The following MKI67 variants were observed in gnomAD, a reference collection of about 807,000 sequenced individuals.
MKI67 encodes proliferation marker protein Ki-67.
MKI67 carries 152 observed loss-of-function variants against 233.5 expected under a neutral mutation model. That is an observed-to-expected ratio of 0.65 (90% CI 0.57 to 0.74). The LOEUF is 0.74. Ranked by LOEUF, MKI67 falls within the 30% of genes least tolerant of loss-of-function variation. MKI67 has a pLI of 0.00. For synonymous variants in MKI67, 1,465 were observed against 1,418.5 expected, an observed-to-expected ratio of 1.03 and a Z score of -0.74; for missense variants, 3,940 against 3,885.2, an observed-to-expected ratio of 1.01 and a Z score of -0.37.
Position 128,105,744 on chromosome 10 carries a change from T to G in MKI67, c.6096A>C (p.Thr2032=). The change falls in exon 13 of 15, where the codon ACA becomes ACC. Residue 2032 remains threonine (T), a synonymous_variant. Transcript: ENST00000368654. ...CTTTGATGCTCTTTCCATCTCCTGCTGTCTCTCTGTGTGTCTGTGTGGTCT... is the reference window on the plus strand; with the variant it reads ...CTTTGATGCTCTTTCCATCTCCTGCGGTCTCTCTGTGTGTCTGTGTGGTCT... ...SGKTTQTHRE[T]AGDGKSIKAF... The G allele has an allele frequency of 3.1e-6, 5 of 1,614,180 alleles. No homozygotes were observed. The highest frequency in any genetic ancestry group is 3.4e-6 in the Non-Finnish European group (4 of 1,180,034).
chr10:128,101,455 C>A lies in MKI67; in HGVS notation c.9508G>T (p.Ala3170Ser), dbSNP rs764967093. The A allele has an allele frequency of 1.3e-5, 21 of 1,614,108 alleles. No individual in the cohort carries two copies. Among genetic ancestry groups the A allele is most frequent in the African/African-American group, 2.7e-5 (2 of 74,934 alleles). The change falls in exon 14 of 15, where the codon GCA (alanine) becomes TCA (serine). Residue 3170 changes from alanine to serine, a missense_variant. By Grantham distance (99) the Ala-to-Ser change is moderately conservative (BLOSUM62 1). Coordinates refer to ENST00000368654, the MANE Select transcript of MKI67 (RefSeq NM_002417.5). ...RQNESSQPKV[A>S]EESGGQKSAK... Reference sequence around the variant, plus strand: ...CTCTTCTGCCCTCCGCTCTCCTCTGCCACCTTAGGCTGGGAGCTCTCATTC... The same window carrying A: ...CTCTTCTGCCCTCCGCTCTCCTCTGACACCTTAGGCTGGGAGCTCTCATTC...
In MKI67 at chr10:128,099,114, T is replaced by C. The variant is rs531804109; in HGVS notation, c.*76A>G. The C allele has an allele frequency of 2.0e-5, 23 of 1,178,024 alleles. No individual in the cohort carries two copies. In the South Asian group the frequency reaches 3.0e-4, roughly 15 times the overall value. The allele number at this position is 1,178,024 out of a possible 1,614,324, so 73.0% of individuals were successfully genotyped here. On this transcript the variant is annotated 3_prime_UTR_variant, in exon 15 of 15. Coordinates refer to ENST00000368654, the MANE Select transcript of MKI67 (RefSeq NM_002417.5). ...CAGCCTTACTTACAGAATTCACTTG[T>C]AATTTATGACAAAAACTGCACTAGA... is the stretch of plus-strand genomic sequence containing the variant.
chr10:128,112,520 T>C, intron 8 of MKI67, 75 bp from the exon 9 acceptor site: 1 of 1,387,504 alleles, frequency 7.2e-7, no homozygotes, highest in Non-Finnish European at 9.9e-7. Flanking sequence ...AAAAACCTAT[T>C]CAGTTAAGAA....
At position 128,101,206 on chromosome 10, in the gene MKI67, T is replaced by G. The variant is rs906025841; in HGVS notation, c.9705+52A>C. On this transcript the variant is annotated intron_variant, in intron 14 of 14. Coordinates refer to ENST00000368654, the MANE Select transcript of MKI67 (RefSeq NM_002417.5). The stretch of plus-strand genomic sequence containing the variant: ...TGCCTTTGCAACCTTGGGCAAAAAA[T>G]ACATCAAAACATTCTGTGTCTTTTA... The G allele has an allele frequency of 1.9e-6, 3 of 1,561,286 alleles. No homozygotes were observed. In the African/African-American group the frequency reaches 4.1e-5, roughly 21 times the overall value.
At position 128,097,017 on chromosome 10, in the gene MKI67, G is replaced by A. The variant is rs1191118093; in HGVS notation, c.*2173C>T. The A allele has an allele frequency of 6.5e-6, 1 of 152,698 alleles. No homozygotes were observed. The highest frequency in any genetic ancestry group is 1.5e-5 in the Non-Finnish European group (1 of 68,354). 9.5% of individuals were successfully genotyped at this position (152,698 alleles called of 1,614,324 possible). On this transcript the variant is annotated 3_prime_UTR_variant, in exon 15 of 15. Coordinates refer to ENST00000368654, the MANE Select transcript of MKI67 (RefSeq NM_002417.5). ...CAGCAGGGAGTGTGTGGTGGTTGGA[G>A]GTGCCTGCCTAAGGGAGGCAGGAGA...
At position 128,108,866 on chromosome 10, in the gene MKI67, C is replaced by A; in HGVS notation, c.2974G>T (p.Ala992Ser). 1 of 1,614,178 alleles carries A rather than the reference C, an allele frequency of 6.2e-7. No individual in the cohort carries two copies. The highest frequency in any genetic ancestry group is 2.2e-5 in the East Asian group (1 of 44,872). The change falls in exon 13 of 15, where the codon GCC (alanine) becomes TCC (serine). Residue 992 changes from alanine (A) to serine (S), a missense_variant. Coordinates refer to ENST00000368654, the MANE Select transcript of MKI67 (RefSeq NM_002417.5). Reference protein sequence around the residue: ...GQNLLQTQDHAKAPKSEKGKI... With the variant: ...GQNLLQTQDHSKAPKSEKGKI... The stretch of plus-strand genomic sequence containing the variant: ...CCTTTCTCACTCTTTGGTGCCTTGG[C>A]ATGATCTTGGGTTTGGAGGAGATTC...
Position 128,104,745 on chromosome 10 carries a change from C to A in MKI67, c.7095G>T (p.Arg2365Ser), listed in dbSNP as rs775235510. ...STKQRPKRNL[R>S]KADVEEEFLA... ...AAAATTCTTCCTCTACGTCTGCTTT[C>A]CTGAGGTTTCTCTTGGGCCGTTGCT... is the stretch of plus-strand genomic sequence containing the variant. The change falls in exon 13 of 15, where the codon AGG (arginine) becomes AGT (serine). Residue 2365 changes from arginine to serine, a missense_variant. Arg to Ser is a moderately radical substitution (Grantham distance 110). Transcript: ENST00000368654. The A allele has an allele frequency of 6.2e-7, 1 of 1,613,554 alleles. No homozygotes were observed. Among genetic ancestry groups the A allele is most frequent in the East Asian group, 2.2e-5 (1 of 44,814 alleles).
Position 128,113,426 on chromosome 10 carries a change from C to T in MKI67, c.1656+1G>A, listed in dbSNP as rs751293626. On this transcript the variant is annotated splice_donor_variant, in intron 8 of 14. Coordinates refer to ENST00000368654, the MANE Select transcript of MKI67 (RefSeq NM_002417.5). LOFTEE classifies it high-confidence loss of function. ...AATGGGATGCTGCTTGTTCAACTCA[C>T]CTTGATGATTTTCTTCAGGACAGGT... is the stretch of plus-strand genomic sequence containing the variant. 4.3e-6 allele frequency: 7 copies of T among 1,614,110 alleles called. No homozygotes were observed. Among genetic ancestry groups the T allele is most frequent in the East Asian group, 2.2e-5 (1 of 44,890 alleles).
rs763360638 is a variant in MKI67 at position 128,106,518 on chromosome 10, T to C, written c.5322A>G (p.Gln1774=). The change falls in exon 13 of 15, where the codon CAA becomes CAG. Residue 1774 remains glutamine, a synonymous_variant. Transcript: ENST00000368654. ...GCATGGCTTTGCCTGCTGATGGCGTTTGTTTCCTAAATGCTAAAAATTCTT... is the reference window on the plus strand; with the variant it reads ...GCATGGCTTTGCCTGCTGATGGCGTCTGTTTCCTAAATGCTAAAAATTCTT... ...TEEEFLAFRK[Q]TPSAGKAMHT... is the part of the protein sequence containing the mutation. 1 of 1,614,156 alleles carries C rather than the reference T, an allele frequency of 6.2e-7. No homozygotes were observed. Among genetic ancestry groups the C allele is most frequent in the Non-Finnish European group, 8.5e-7 (1 of 1,180,010 alleles).
In MKI67 at chr10:128,104,067, T is replaced by G; in HGVS notation, c.7773A>C (p.Pro2591=). Residue 2591 remains proline (P), a synonymous_variant, in exon 13 of 15, where the codon CCA becomes CCC. Coordinates refer to ENST00000368654, the MANE Select transcript of MKI67 (RefSeq NM_002417.5). ...TGCTCGTGGCAGTGTCTGTTAGTTC[T>G]GGTGGGGGAGATTTGCAGGGAATTT... ...NTKIPCKSPP[P]ELTDTATSTK... is the part of the protein sequence containing the mutation. The G allele has an allele frequency of 6.2e-7, 1 of 1,614,080 alleles. No individual in the cohort carries two copies. Among genetic ancestry groups the G allele is most frequent in the Admixed American group, 1.7e-5 (1 of 60,012 alleles).
Position 128,103,680 on chromosome 10 carries a change from T to G in MKI67, c.8160A>C (p.Thr2720=), listed in dbSNP as rs758156933. The G allele has an allele frequency of 2.5e-6, 4 of 1,614,178 alleles. No homozygotes were observed. In the South Asian group the frequency reaches 4.4e-5, roughly 18 times the overall value. The stretch of plus-strand genomic sequence containing the variant: ...GCACACGTGTCCTGAGATGCCTCTT[T>G]GTGCTTGCTGTGGTGTCTACCACTT... The part of the protein sequence containing the change: ...PLEVVDTTAS[T]KRHLRTRVQK... Residue 2720 remains threonine, a synonymous_variant, in exon 13 of 15, where the codon ACA becomes ACC. Transcript: ENST00000368654.
rs751115039 is a variant in MKI67, at chr10:128,101,642, C to G, written c.9321G>C (p.Glu3107Asp). 1 of 1,613,224 alleles carries G rather than the reference C, an allele frequency of 6.2e-7. No homozygotes were observed. ...NKTEAEQQIT[E>D]VFVLAERIEI... is the part of the protein sequence containing the mutation. ...CTATTCTTTCTGCTAATACAAAGAC[C>G]TCAGTTATTTGCTGTTCTGCCTCAG... Residue 3107 changes from glutamate (E) to aspartate (D), a missense_variant, in exon 14 of 15, where the codon GAG becomes GAC. Physicochemically the swap from Glu to Asp is conservative, Grantham distance 45. Coordinates refer to ENST00000368654, the MANE Select transcript of MKI67 (RefSeq NM_002417.5).
rs189041436 is a variant in MKI67, at chr10:128,108,685, G to A, written c.3155C>T (p.Thr1052Met). ...GKFTRTSGETTHTHREPAGDG... is the reference protein window; with the variant it reads ...GKFTRTSGETMHTHREPAGDG... ...TCCTGCTGGCTCTCTGTGCGTGTGC[G>A]TGGTCTCCCCTGACGTCCGTGTGAA... The change falls in exon 13 of 15, where the codon ACG becomes ATG. Residue 1052 changes from threonine (T) to methionine (M), a missense_variant. Physicochemically the swap from Thr to Met is moderately conservative, Grantham distance 81. Transcript: ENST00000368654. The A allele has an allele frequency of 1.4e-5, 22 of 1,614,170 alleles. No homozygotes were observed. The highest frequency in any genetic ancestry group is 7.7e-5 in the South Asian group (7 of 91,076).
rs1852766888 is a variant in MKI67 at position 128,114,967 on chromosome 10, G to C, written c.1441C>G (p.Leu481Val). 6.3e-7 allele frequency: 1 copy of C among 1,582,562 alleles called. No homozygotes were observed. The highest frequency in any genetic ancestry group is 8.6e-7 in the Non-Finnish European group (1 of 1,160,692). The change falls in exon 7 of 15, where the codon CTT (leucine) becomes GTT (valine). Residue 481 changes from leucine to valine, a missense_variant. Coordinates refer to ENST00000368654, the MANE Select transcript of MKI67 (RefSeq NM_002417.5). ...AAGTTGTTGATATCAACTGAACTAA[G>C]ACCAGGTAACCCAGAGCACATCTGT... Reference protein sequence around the residue: ...AGQMCSGLPGLSSVDINNFGD... With the variant: ...AGQMCSGLPGVSSVDINNFGD...
intron 14 of MKI67, among the ~76,000 whole-genome samples, chr10:128,100,876 GT>G (rs911961823): frequency 5.9e-5 from 9 of 151,966 alleles, no homozygotes; most frequent in Admixed American, 3.3e-4. Context: ...TGTTTCAATA[GT>G]TTTTTTTGGA....
chr10:128,114,145 T>C (rs1351374096), intron 7 of MKI67, among the ~76,000 whole-genome samples: 1 of 152,198 alleles, frequency 6.6e-6, no homozygotes, highest in Non-Finnish European at 1.5e-5. Flanking sequence ...ACAAACCTTA[T>C]TTTATCGACA....
Position 128,109,342 on chromosome 10 carries a change from T to C in MKI67, c.2498A>G (p.Gln833Arg). Residue 833 changes from glutamine to arginine, a missense_variant, in exon 13 of 15, where the codon CAG becomes CGG. By Grantham distance (43) the Gln-to-Arg change is conservative. Transcript: ENST00000368654. ...KCSASPPLRR[Q>R]CIRENGNVAK... ...TACGTTTCCATTTTCTCTAATACAC[T>C]GCCGTCTTAAGGGAGGGCTTGCAGA... is the stretch of plus-strand genomic sequence containing the variant. The C allele has an allele frequency of 6.2e-7, 1 of 1,613,956 alleles. No homozygotes were observed. Among genetic ancestry groups the C allele is most frequent in the Non-Finnish European group, 8.5e-7 (1 of 1,179,972 alleles).
chr10:128,105,275 G>A lies in MKI67; in HGVS notation c.6565C>T (p.Gln2189Ter). The A allele has an allele frequency of 1.9e-6, 3 of 1,614,086 alleles. No homozygotes were observed. Among genetic ancestry groups the A allele is most frequent in the Non-Finnish European group, 2.5e-6 (3 of 1,180,018 alleles). Residue 2189 changes from glutamine to a stop codon, truncating the protein, a stop_gained, in exon 13 of 15, where the codon CAA becomes TAA. Coordinates refer to ENST00000368654, the MANE Select transcript of MKI67 (RefSeq NM_002417.5). LOFTEE classifies it high-confidence loss of function. ...AAGCCAGCCAAGTCTTCTAGGGGTT[G>A]GGCTTTTCCCTTAGGAGTTCTTGGC... ...RQPRTPKGKA[Q>*]PLEDLAGLKE...
At chr10:128,119,356 A>AT (rs1852880631) in intron 4 of MKI67, 37 bp from the exon 5 acceptor site, 1 of 1,448,650 alleles carries the variant, frequency 6.9e-7, no homozygotes, top group Admixed American at 1.7e-5. Context: ...CTGATTAAAA[A>AT]TTTATACCCT....
Sources: gnomAD v4.1 joint callset for allele counts (sites outside exome capture counted in the v4.1 genomes callset) on GRCh38, gnomAD v4.1.1 for gene constraint, MANE v1.5 for transcripts, NCBI Gene and HGNC (gene_info 2026-07-23, HGNC 2026-07-21) for gene names.